Variants in FKBP15 observed in about 807,000 individuals in gnomAD.
FKBP15 encodes the protein FKBP prolyl isomerase family member 15.
In FKBP15, 106 loss-of-function variants were observed where a neutral mutation model predicts 158.1. The ratio of observed to expected loss-of-function variants is 0.67; its 90% CI spans 0.57 to 0.79. FKBP15 has a LOEUF of 0.79. Among genes scored for constraint, FKBP15 ranks in the 30% least tolerant of loss-of-function variants. The pLI is 0.00. For missense variants in FKBP15, 1,287 were observed against 1,479.1 expected, an observed-to-expected ratio of 0.87 and a Z score of 2.13; for synonymous variants, 547 against 548.6, an observed-to-expected ratio of 1.00 and a Z score of 0.04.
In FKBP15 at chr9:113,207,184, C is replaced by T. The variant is rs745389651; in HGVS notation, c.254+28G>A. The T allele has an allele frequency of 1.1e-5, 17 of 1,586,174 alleles. No individual in the cohort carries two copies. The Middle Eastern group carries it at 6.7e-4, about 63-fold the overall frequency. The stretch of plus-strand genomic sequence containing the variant: ...AACTGCACGCCCTTCCACCAAACTT[C>T]AGAGGGTGTTCCTTCTCAGCGACTT... On this transcript the variant is annotated intron_variant, in intron 3 of 27. Transcript: ENST00000238256.
At chr9:113,188,554 A>T in intron 12 of FKBP15, 63 bp from the exon 13 acceptor site, 2 of 1,346,304 alleles carry the variant, frequency 1.5e-6, no homozygotes, top group Non-Finnish European at 2.1e-6. Context: ...ACTGAGGCTG[A>T]CTGTCTGCCC....
At chr9:113,186,185 G>T in intron 15 of FKBP15, 64 bp downstream of exon 15, 1 of 1,148,550 alleles carries the variant, frequency 8.7e-7, no homozygotes, top group Non-Finnish European at 1.3e-6. Context: ...AAATGAAGGA[G>T]GAGCAAGAAG....
At chr9:113,204,894 T>C (rs1236444898) in intron 4 of FKBP15, among the ~76,000 whole-genome samples, 3 of 152,240 alleles carry the variant, frequency 2.0e-5, no homozygotes, top group Admixed American at 1.3e-4. Flanking sequence ...TTTAAGATAT[T>C]ATTCCTAGTT....
intron 8 of FKBP15, 94 bp from the exon 9 acceptor site, chr9:113,197,172 T>G: frequency 6.7e-7 from 1 of 1,496,078 alleles, no homozygotes; most frequent in South Asian, 1.2e-5. Flanking sequence ...TATCCACACT[T>G]TCACGTTTAC....
intron 6 of FKBP15, among the ~76,000 whole-genome samples, chr9:113,201,441 G>GA (rs1358261938): frequency 3.3e-5 from 5 of 152,194 alleles, no homozygotes. Context: ...GTTATGGGCT[G>GA]AATGTTTGTG....
In FKBP15 at chr9:113,211,523, G is replaced by A; in HGVS notation, c.123C>T (p.Tyr41=). Reference sequence around the variant, plus strand: ...CTTTCTTAGGCTGTTTTGGGGCTGTGTACTGGAAAAATTCATTTCCATGGC... The same window carrying A: ...CTTTCTTAGGCTGTTTTGGGGCTGTATACTGGAAAAATTCATTTCCATGGC... ...AAGHGNEFFQ[Y]TAPKQPKKGQ... Residue 41 remains tyrosine, a synonymous_variant, in exon 2 of 28, where the codon TAC becomes TAT. Transcript: ENST00000238256. 6.2e-7 allele frequency: 1 copy of A among 1,609,618 alleles called. No homozygotes were observed. The highest frequency in any genetic ancestry group is 1.3e-5 in the African/African-American group (1 of 74,984).
chr9:113,186,439 G>C, intron 14 of FKBP15, 76 bp from the exon 15 acceptor site: 9 of 1,077,640 alleles, frequency 8.4e-6, no homozygotes, highest in Non-Finnish European at 1.3e-5. Context: ...TTCTTTGGTG[G>C]AATAAAGTGG....
rs182521755 is a variant in FKBP15, at chr9:113,165,809, G to A, written c.*269C>T. 3 of 381,730 alleles carry A rather than the reference G, an allele frequency of 7.9e-6. No individual in the cohort carries two copies. Among genetic ancestry groups the A allele is most frequent in the South Asian group, 3.1e-5 (1 of 32,412 alleles). 23.6% of individuals were successfully genotyped at this position (381,730 alleles called of 1,614,324 possible). ...CTGGCAGAGGACAGGACTCTTACAG[G>A]TGACTGGCTTGGAGGGGAACCTACC... On this transcript the variant is annotated 3_prime_UTR_variant, in exon 28 of 28. Transcript: ENST00000238256.
intron 6 of FKBP15, among the ~76,000 whole-genome samples, chr9:113,201,091 T>C (rs1312568767): frequency 7.1e-6 from 1 of 141,318 alleles, no homozygotes; most frequent in East Asian, 2.0e-4. Context: ...ATAAAAACAA[T>C]GAGGCATCAT....
Position 113,196,962 on chromosome 9 carries a change from C to T in FKBP15, c.834G>A (p.Ser278=), listed in dbSNP as rs4395964. 8.7e-6 allele frequency: 14 copies of T among 1,613,974 alleles called. No homozygotes were observed. The highest frequency in any genetic ancestry group is 2.7e-5 in the African/African-American group (2 of 75,042). The change falls in exon 9 of 28, where the codon TCG becomes TCA. Residue 278 remains serine, a synonymous_variant. Coordinates refer to ENST00000238256, the MANE Select transcript of FKBP15 (RefSeq NM_015258.2). ...GVIGWTQATD[S]ILVFEVEVRR... is the part of the protein sequence containing the mutation. ...TAACCTCCACCTCGAACACCAGGAT[C>T]GAGTCCGTTGCTTGAGTCCAGCCTA...
chr9:113,181,947 C>T (rs1056067771), intron 19 of FKBP15, among the ~76,000 whole-genome samples: 1 of 152,076 alleles, frequency 6.6e-6, no homozygotes. Context: ...GGGAACAGAA[C>T]AGGGTCAGGA....
In FKBP15 at chr9:113,169,221, T is replaced by C. The variant is rs1244831424; in HGVS notation, c.3485+3A>G. The C allele has an allele frequency of 4.3e-6, 7 of 1,610,740 alleles. No individual in the cohort carries two copies. The highest frequency in any genetic ancestry group is 5.9e-6 in the Non-Finnish European group (7 of 1,178,144). ...CCCTGAAGCAGTGCTCAGAGGAACA[T>C]ACCTGGAACGCTGGGAATGATGGCT... On this transcript the variant is annotated splice_donor_region_variant and intron_variant, in intron 26 of 27. Transcript: ENST00000238256.
intron 1 of FKBP15, among the ~76,000 whole-genome samples, chr9:113,214,774 C>T (rs7032611): frequency 6.6e-6 from 1 of 152,216 alleles, no homozygotes; most frequent in Non-Finnish European, 1.5e-5. Context: ...ACTGAAAATC[C>T]GTTGTTTGGT....
Position 113,196,915 on chromosome 9 carries a change from CAG to C in FKBP15, c.864+15_864+16del, listed in dbSNP as rs1564174698. 2.5e-6 allele frequency: 4 copies of C among 1,612,498 alleles called. No individual in the cohort carries two copies. The highest frequency in any genetic ancestry group is 2.2e-5 in the East Asian group (1 of 44,824). ...GGCAGAGGACTCATCAAACAAAACA[CAG>C]AGAGTTTCACTCACCCGCCTAACCT... On this transcript the variant is annotated intron_variant, in intron 9 of 27. Coordinates refer to ENST00000238256, the MANE Select transcript of FKBP15 (RefSeq NM_015258.2).
chr9:113,200,817 G>C (rs1830775082), intron 6 of FKBP15, among the ~76,000 whole-genome samples: 1 of 152,024 alleles, frequency 6.6e-6, no homozygotes. Context: ...AGGCCGAGGT[G>C]GGCGGATCAC....
rs767220150 is a variant in FKBP15 at position 113,169,399 on chromosome 9, C to T, written c.3310G>A (p.Glu1104Lys). 9.0e-5 allele frequency: 146 copies of T among 1,613,910 alleles called. No homozygotes were observed. The highest frequency in any genetic ancestry group is 1.6e-4 in the Middle Eastern group (1 of 6,084). The part of the protein sequence containing the change: ...TRLSLTSDPE[E>K]GDPLALGPES... ...GGCCCTAAGGCCAGTGGGTCCCCCT[C>T]CTCGGGGTCTGAAGTCAGGGACAGT... The change falls in exon 26 of 28, where the codon GAG becomes AAG. Residue 1104 changes from glutamate to lysine, a missense_variant. By Grantham distance (56) the Glu-to-Lys change is moderately conservative. Transcript: ENST00000238256.
chr9:113,167,118 G>A (rs1478785949), intron 27 of FKBP15, among the ~76,000 whole-genome samples: 1 of 152,222 alleles, frequency 6.6e-6, no homozygotes, highest in African/African-American at 2.4e-5. Flanking sequence ...ATTTTCAAGT[G>A]TGGCTCACAG....
In FKBP15 at chr9:113,198,239, A is replaced by C. The variant is rs548689534; in HGVS notation, c.717+616T>G. ...CAACCCTTTATGATAAGTTTCGAGA[A>C]GAAACTGTCTCACTTTTTCCCCTGT... is the stretch of plus-strand genomic sequence containing the variant. On this transcript the variant is annotated intron_variant, in intron 8 of 27. Transcript: ENST00000238256. The surrounding 1 kb of genome is among the most constrained non-coding windows in gnomAD (Gnocchi z 5.2). Among the ~76,000 whole-genome samples the C allele has an allele frequency of 6.6e-6, 1 of 152,220 alleles. No homozygotes were observed. The highest frequency in any genetic ancestry group is 1.5e-5 in the Non-Finnish European group (1 of 68,040).
At chr9:113,210,332 C>CTTTTTTT (rs35201179) in intron 2 of FKBP15, among the ~76,000 whole-genome samples, 35 of 114,728 alleles carry the variant, frequency 3.1e-4, no homozygotes, top group East Asian at 4.7e-4. Flanking sequence ...GTTGTGATGG[C>CTTTTTTT]TTTTTTTTTT....
Sources: gnomAD v4.1 joint callset for allele counts (sites outside exome capture counted in the v4.1 genomes callset) on GRCh38, gnomAD v4.1.1 for gene constraint, Gnocchi (gnomAD v3.1) non-coding constraint, MANE v1.5 for transcripts, NCBI Gene and HGNC (gene_info 2026-07-23, HGNC 2026-07-21) for gene names.